Variants in ARHGAP42 observed in about 807,000 individuals in gnomAD.
The protein encoded by ARHGAP42 is Rho GTPase activating protein 42.
ARHGAP42 carries 63 observed loss-of-function variants against 125.0 expected under a neutral mutation model. The ratio of observed to expected loss-of-function variants is 0.50; its 90% CI spans 0.41 to 0.62. ARHGAP42 has a LOEUF of 0.62. Among genes scored for constraint, ARHGAP42 ranks in the 20% least tolerant of loss-of-function variants. ARHGAP42 has a pLI of 0.00. For synonymous variants in ARHGAP42, 339 were observed against 351.0 expected, an observed-to-expected ratio of 0.97 and a Z score of 0.38; for missense variants, 766 against 1,024.2, an observed-to-expected ratio of 0.75 and a Z score of 3.44.
At chr11:100,856,437 G>A (rs1425447716) in intron 3 of ARHGAP42, among the ~76,000 whole-genome samples, 1 of 151,968 alleles carries the variant, frequency 6.6e-6, no homozygotes, top group Non-Finnish European at 1.5e-5. Flanking sequence ...TTCCCAGGGG[G>A]AATGTATAAA....
chr11:100,937,709 A>G (rs1867770924), intron 8 of ARHGAP42, among the ~76,000 whole-genome samples: 1 of 152,224 alleles, frequency 6.6e-6, no homozygotes, highest in African/African-American at 2.4e-5. Context: ...ACACTTGCTG[A>G]AATCTTTGTG....
chr11:100,847,668 C>T (rs1194440876), intron 3 of ARHGAP42, among the ~76,000 whole-genome samples: 5 of 152,008 alleles, frequency 3.3e-5, no homozygotes, highest in South Asian at 2.1e-4. Context: ...GCTAAGGCGG[C>T]GGGGAGACCC....
intron 11 of ARHGAP42, among the ~76,000 whole-genome samples, chr11:100,949,057 G>C (rs775129966): frequency 6.6e-6 from 1 of 152,150 alleles, no homozygotes; most frequent in South Asian, 2.1e-4. Context: ...AAATAGGAAG[G>C]CTTACGTAAA....
At chr11:100,732,910 C>T (rs1227503417) in intron 1 of ARHGAP42, among the ~76,000 whole-genome samples, 1 of 152,204 alleles carries the variant, frequency 6.6e-6, no homozygotes, top group Non-Finnish European at 1.5e-5. Flanking sequence ...AATTATTCAA[C>T]ATCAATATGT....
chr11:100,855,400 T>C (rs1244603741), intron 3 of ARHGAP42, among the ~76,000 whole-genome samples: 10 of 152,090 alleles, frequency 6.6e-5, no homozygotes, highest in Non-Finnish European at 1.5e-4. Context: ...AAAATAAAAT[T>C]GTTAAGAGAC....
chr11:100,776,259 T>C (rs1175582076), intron 2 of ARHGAP42, among the ~76,000 whole-genome samples: 1 of 152,224 alleles, frequency 6.6e-6, no homozygotes, highest in Admixed American at 6.5e-5. Context: ...CTATGTAATC[T>C]TGGAAACCAT....
chr11:100,771,011 A>G (rs1862965054), intron 2 of ARHGAP42, among the ~76,000 whole-genome samples: 1 of 152,250 alleles, frequency 6.6e-6, no homozygotes, highest in African/African-American at 2.4e-5. Flanking sequence ...AAACAAATAT[A>G]TATTAGGTAT....
At chr11:100,921,229 ATATATATATATATATATTTTTTTTTTTTT>A (rs1216802469) in intron 5 of ARHGAP42, among the ~76,000 whole-genome samples, 4 of 58,578 alleles carry the variant, frequency 6.8e-5, no homozygotes, top group Non-Finnish European at 1.2e-4. Context: ...ATATATATAT[ATATATATATATATATATTTTTTTTTTTTT>A]TTTTTTTTTT....
intron 4 of ARHGAP42, among the ~76,000 whole-genome samples, chr11:100,892,411 G>A (rs1291700308): frequency 6.6e-6 from 1 of 152,044 alleles, no homozygotes; most frequent in East Asian, 1.9e-4. Context: ...TCTTCTTCTT[G>A]AATATTGTAT....
At chr11:100,871,560 A>AAG (rs1176675692) in intron 4 of ARHGAP42, among the ~76,000 whole-genome samples, 4 of 151,006 alleles carry the variant, frequency 2.6e-5, no homozygotes, top group African/African-American at 9.7e-5. Flanking sequence ...AAAAAAAAAA[A>AAG]AGAAAAAAGA....
At chr11:100,701,212 T>C (rs1861391408) in intron 1 of ARHGAP42, among the ~76,000 whole-genome samples, 2 of 151,698 alleles carry the variant, frequency 1.3e-5, no homozygotes, top group African/African-American at 4.8e-5. Context: ...CAGTAAACAG[T>C]GTACTGTCAT....
chr11:100,903,823 A>G (rs556364560), intron 4 of ARHGAP42, among the ~76,000 whole-genome samples: 10 of 147,768 alleles, frequency 6.8e-5, no homozygotes, highest in Admixed American at 2.7e-4. Context: ...GGCTGTCTGT[A>G]AGCTGAGGAG....
At chr11:100,724,107 T>A (rs1861813505) in intron 1 of ARHGAP42, among the ~76,000 whole-genome samples, 1 of 152,194 alleles carries the variant, frequency 6.6e-6, no homozygotes. Flanking sequence ...TTTAGCTTGT[T>A]GATATTATGG....
chr11:100,891,272 G>A (rs1866211637), intron 4 of ARHGAP42, among the ~76,000 whole-genome samples: 1 of 152,016 alleles, frequency 6.6e-6, no homozygotes, highest in Non-Finnish European at 1.5e-5. Context: ...ATGTCTTTCT[G>A]TCCTTGTCCC....
intron 2 of ARHGAP42, among the ~76,000 whole-genome samples, chr11:100,782,585 A>G (rs1169322165): frequency 6.6e-6 from 1 of 152,186 alleles, no homozygotes; most frequent in Non-Finnish European, 1.5e-5. Context: ...GAGAAATTTG[A>G]AAACAAGAAT....
At chr11:100,907,057 A>G (rs1866757448) in intron 4 of ARHGAP42, among the ~76,000 whole-genome samples, 1 of 152,192 alleles carries the variant, frequency 6.6e-6, no homozygotes, top group Non-Finnish European at 1.5e-5. Flanking sequence ...TAGTAGTGCA[A>G]TGTTTCCCTC....
intron 22 of ARHGAP42, among the ~76,000 whole-genome samples, chr11:100,983,472 C>T (rs1284124235): frequency 6.6e-6 from 1 of 152,136 alleles, no homozygotes; most frequent in African/African-American, 2.4e-5. Context: ...CCCTTGACCA[C>T]CTTTTGAAAA....
At chr11:100,971,293 T>A (rs947436512) in intron 17 of ARHGAP42, among the ~76,000 whole-genome samples, 3 of 152,216 alleles carry the variant, frequency 2.0e-5, no homozygotes, top group Admixed American at 1.3e-4. Context: ...CTCCTTATGT[T>A]CTACCATTTC....
At chr11:100,877,215 T>G (rs1865840551) in intron 4 of ARHGAP42, among the ~76,000 whole-genome samples, 1 of 152,192 alleles carries the variant, frequency 6.6e-6, no homozygotes, top group East Asian at 1.9e-4. Context: ...GTAAATCAAA[T>G]CAGAAACAAT....
Sources: gnomAD v4.1 joint callset for allele counts (sites outside exome capture counted in the v4.1 genomes callset) on GRCh38, gnomAD v4.1.1 for gene constraint, MANE v1.5 for transcripts, NCBI Gene and HGNC (gene_info 2026-07-23, HGNC 2026-07-21) for gene names.